Variants in PRKN observed in about 807,000 individuals in gnomAD.
PRKN encodes parkin RBR E3 ubiquitin protein ligase, also known as E3 ubiquitin-protein ligase parkin.
A neutral mutation model predicts 59.5 loss-of-function variants in PRKN; 56 were observed. That is an observed-to-expected ratio of 0.94 (90% CI 0.76 to 1.18). The LOEUF is 1.18. Among genes scored for constraint, PRKN ranks in the 50% most tolerant of loss-of-function variants. The pLI is 0.00. For missense variants in PRKN, 657 were observed against 596.4 expected (o/e 1.10, Z -1.06); for synonymous variants, 250 against 222.1 (o/e 1.13, Z -1.12).
At chr6:161,589,566 A>G (rs1308340738) in intron 7 of PRKN, among the ~76,000 whole-genome samples, 2 of 151,928 alleles carry the variant, frequency 1.3e-5, no homozygotes, top group African/African-American at 2.4e-5. Context: ...AAGTTTCGAC[A>G]TGTAAGAAAG....
chr6:162,658,934 A>AT (rs554998295), intron 1 of PRKN, among the ~76,000 whole-genome samples: 53 of 152,160 alleles, frequency 3.5e-4, no homozygotes, highest in Non-Finnish European at 6.3e-4. Context: ...CGTCTTACCG[A>AT]TTTTTTAGTA....
intron 1 of PRKN, among the ~76,000 whole-genome samples, chr6:162,705,747 T>C (rs536629409): frequency 2.0e-5 from 3 of 152,324 alleles, no homozygotes; most frequent in African/African-American, 7.2e-5. Context: ...TTTAAGCCCC[T>C]ATTCTGTAAC....
rs1014972958 is a variant in PRKN at position 161,463,776 on chromosome 6, T to C, written c.1084-76899A>G. Among the ~76,000 whole-genome samples the C allele has an allele frequency of 1.3e-5, 2 of 152,146 alleles. No homozygotes were observed. The highest frequency in any genetic ancestry group is 2.9e-5 in the Non-Finnish European group (2 of 68,026). Reference sequence around the variant, plus strand: ...AGATCAAGTGTCCACTTTGGAAGTATAATCTTTATCTAGTGATCACTTTTC... The same window carrying C: ...AGATCAAGTGTCCACTTTGGAAGTACAATCTTTATCTAGTGATCACTTTTC... On this transcript the variant is annotated intron_variant, in intron 9 of 11. Transcript: ENST00000366898. This position sits in a 1 kb window ranked among gnomAD's most constrained non-coding sequence, Gnocchi z 4.8.
At chr6:161,808,136 G>T (rs550659647) in intron 6 of PRKN, among the ~76,000 whole-genome samples, 8 of 152,112 alleles carry the variant, frequency 5.3e-5, no homozygotes, top group Non-Finnish European at 7.4e-5. Flanking sequence ...TATAAATGAT[G>T]AAGACAGGAA....
At chr6:161,631,772 A>AAC (rs147449873) in intron 7 of PRKN, among the ~76,000 whole-genome samples, 25,730 of 150,336 alleles carry the variant, frequency 0.17, 2,698 homozygotes, top group East Asian at 0.32. Context: ...CACCCAGACA[A>AAC]ACACACACAC....
At chr6:161,706,055 G>T (rs1341568907) in intron 7 of PRKN, among the ~76,000 whole-genome samples, 1 of 151,438 alleles carries the variant, frequency 6.6e-6, no homozygotes. Flanking sequence ...CAGATAATGT[G>T]GCCCTTCGCT....
intron 1 of PRKN, among the ~76,000 whole-genome samples, chr6:162,545,455 G>A (rs1779082048): frequency 6.6e-6 from 1 of 152,090 alleles, no homozygotes; most frequent in Non-Finnish European, 1.5e-5. Context: ...AACATACCAG[G>A]ATTTTAGGTG....
At position 161,803,337 on chromosome 6, in the gene PRKN, T is replaced by C. The variant is rs573972950; in HGVS notation, c.735-17429A>G. ...CTGTCTATTTCATTCTCAGGCCCAG[T>C]TGGGACTCTGGGTAGAAGAAAAGCT... On this transcript the variant is annotated intron_variant, in intron 6 of 11. Transcript: ENST00000366898. Among the ~76,000 whole-genome samples, 197 of 152,308 alleles carry C rather than the reference T, an allele frequency of 1.3e-3. 1 individual carries two copies. The highest frequency in any genetic ancestry group is 4.5e-3 in the African/African-American group (189 of 41,566).
chr6:161,469,954 C>T (rs955379305), intron 9 of PRKN, among the ~76,000 whole-genome samples: 4 of 152,122 alleles, frequency 2.6e-5, no homozygotes, highest in Admixed American at 1.3e-4. Flanking sequence ...ATAATTGTTC[C>T]GCTTAAAAAT....
At chr6:161,899,311 A>G (rs954108092) in intron 6 of PRKN, among the ~76,000 whole-genome samples, 3 of 152,208 alleles carry the variant, frequency 2.0e-5, no homozygotes, top group Non-Finnish European at 4.4e-5. Flanking sequence ...ATACAAATCA[A>G]TTTTTTACAA....
intron 7 of PRKN, among the ~76,000 whole-genome samples, chr6:161,586,134 G>C (rs1425368965): frequency 6.6e-6 from 1 of 152,096 alleles, no homozygotes; most frequent in Non-Finnish European, 1.5e-5. Flanking sequence ...TCCAGCTTCA[G>C]CCTCCAGAGT....
At chr6:162,536,461 T>C (rs1456185497) in intron 1 of PRKN, among the ~76,000 whole-genome samples, 1 of 152,182 alleles carries the variant, frequency 6.6e-6, no homozygotes, top group Non-Finnish European at 1.5e-5. Flanking sequence ...TAAGGTCACC[T>C]GCTTTAAAAA....
At chr6:161,802,338 C>T (rs899397488) in intron 6 of PRKN, among the ~76,000 whole-genome samples, 1 of 152,050 alleles carries the variant, frequency 6.6e-6, no homozygotes, top group East Asian at 1.9e-4. Context: ...TCTTCTCCCA[C>T]TCGCTGTGAT....
At chr6:162,479,973 G>A (rs571376141) in intron 1 of PRKN, among the ~76,000 whole-genome samples, 5 of 151,866 alleles carry the variant, frequency 3.3e-5, no homozygotes, top group African/African-American at 1.2e-4. Context: ...GCTGAGGCAG[G>A]ACAATCGCTT....
At chr6:161,926,917 G>GA (rs1456806989) in intron 6 of PRKN, among the ~76,000 whole-genome samples, 12 of 152,140 alleles carry the variant, frequency 7.9e-5, no homozygotes, top group Non-Finnish European at 1.3e-4. Flanking sequence ...AGCCTTTAGA[G>GA]AAAATCCCTC....
intron 5 of PRKN, among the ~76,000 whole-genome samples, chr6:162,018,456 C>T (rs1244806384): frequency 1.3e-5 from 2 of 152,108 alleles, no homozygotes; most frequent in Non-Finnish European, 2.9e-5. Flanking sequence ...ATGAGAGGAG[C>T]CATTTTTGAA....
intron 6 of PRKN, among the ~76,000 whole-genome samples, chr6:161,937,803 T>C (rs538263440): frequency 2.4e-4 from 36 of 152,338 alleles, no homozygotes; most frequent in African/African-American, 7.2e-4. Context: ...ATTTTCTAGA[T>C]ATATGACAAA....
chr6:161,867,312 C>T (rs1049384956), intron 6 of PRKN, among the ~76,000 whole-genome samples: 1 of 152,202 alleles, frequency 6.6e-6, no homozygotes, highest in Non-Finnish European at 1.5e-5. Flanking sequence ...CAACTTCATG[C>T]TGTTGTGACA....
At chr6:162,624,558 T>C (rs1583931402) in intron 1 of PRKN, 1 of 152,318 alleles carries the variant, frequency 6.6e-6, no homozygotes, top group East Asian at 1.9e-4. Context: ...AGCAGACTTG[T>C]ACAGCTTGAA....
Sources: gnomAD v4.1 joint callset for allele counts (sites outside exome capture counted in the v4.1 genomes callset) on GRCh38, gnomAD v4.1.1 for gene constraint, Gnocchi (gnomAD v3.1) non-coding constraint, MANE v1.5 for transcripts, NCBI Gene and HGNC (gene_info 2026-07-23, HGNC 2026-07-21) for gene names.